Variants in TENM2 observed in about 807,000 individuals in gnomAD.
The protein encoded by TENM2 is teneurin-2.
TENM2 carries 52 observed loss-of-function variants against 245.2 expected under a neutral mutation model. The ratio of observed to expected loss-of-function variants is 0.21; its 90% confidence interval spans 0.17 to 0.27. The LOEUF (loss-of-function observed/expected upper bound fraction) is 0.27, where lower values mean the gene tolerates loss of function less well. Among genes scored for constraint, TENM2 ranks in the 10% least tolerant of loss-of-function variants. TENM2 has a pLI of 1.00. For synonymous variants in TENM2, 1,363 were observed against 1,438.9 expected (o/e 0.95, Z 1.19); for missense variants, 3,046 against 3,666.8 (o/e 0.83, Z 4.37).
chr5:168,238,656 A>G (rs1323684430), intron 25 of TENM2, among the ~76,000 whole-genome samples: 4 of 152,232 alleles, frequency 2.6e-5, no homozygotes, highest in African/African-American at 9.6e-5. Flanking sequence ...TAGGCCCAGC[A>G]GGGCCGTTTT....
chr5:168,078,598 AT>A (rs1173856156), intron 7 of TENM2, among the ~76,000 whole-genome samples: 4 of 152,050 alleles, frequency 2.6e-5, no homozygotes, highest in South Asian at 2.1e-4. Context: ...TTTTGAATTA[AT>A]TTTTTTATAA....
chr5:166,982,079 T>G, the TENM2 span, among the ~76,000 whole-genome samples: 1 of 152,186 alleles, frequency 6.6e-6, no homozygotes, highest in Non-Finnish European at 1.5e-5. Flanking sequence ...ACTATCATCT[T>G]GATAGCCTTG....
chr5:168,091,399 G>A (rs564898751), intron 8 of TENM2, among the ~76,000 whole-genome samples: 2 of 152,240 alleles, frequency 1.3e-5, no homozygotes, highest in African/African-American at 2.4e-5. Context: ...AGAGAAAAGC[G>A]AAGTTTCAAC....
At chr5:167,663,138 TGG>T (rs1258190824) in intron 2 of TENM2, among the ~76,000 whole-genome samples, 2 of 91,370 alleles carry the variant, frequency 2.2e-5, no homozygotes, top group East Asian at 5.6e-4. Context: ...AGAATGGGGA[TGG>T]GGAGAGAGAG....
chr5:168,195,912 A>G (rs1272747943), intron 15 of TENM2, among the ~76,000 whole-genome samples: 2 of 152,140 alleles, frequency 1.3e-5, no homozygotes, highest in Non-Finnish European at 1.5e-5. Flanking sequence ...GCCTCCATCA[A>G]GATGAAAGCT....
intron 2 of TENM2, among the ~76,000 whole-genome samples, chr5:167,668,387 T>A (rs1582699983): frequency 6.6e-6 from 1 of 152,342 alleles, no homozygotes; most frequent in African/African-American, 2.4e-5. Flanking sequence ...TGAGGTTTCA[T>A]GAACTAATGA....
In TENM2 at chr5:167,929,027, A is replaced by G. The variant is rs979134905; in HGVS notation, c.713-23561A>G. Among the ~76,000 whole-genome samples, 11 of 146,422 alleles carry G rather than the reference A, an allele frequency of 7.5e-5. 1 individual carries two copies. Among genetic ancestry groups the G allele is most frequent in the Admixed American group, 6.9e-4 (10 of 14,492 alleles). On this transcript the variant is annotated intron_variant, in intron 3 of 28. Transcript: ENST00000518659. ...AAGAGAGAAAAAGAAAGAGAAAGGA[A>G]AGAAAGAAAGAAAAGAAAAAAGAAA...
chr5:167,227,931 T>C, the TENM2 span, among the ~76,000 whole-genome samples: 2 of 152,172 alleles, frequency 1.3e-5, no homozygotes, highest in Non-Finnish European at 2.9e-5. Context: ...TGTCACAAAA[T>C]CTTTGCTCAT....
At chr5:168,262,724 G>A (rs759115999) in exon 29 of TENM2, 6 of 1,611,004 alleles carry the variant, frequency 3.7e-6, no homozygotes, top group Middle Eastern at 1.7e-4. Context: ...GGGATATTAC[G>A]TGCTTCCCGT....
At chr5:167,674,171 C>A (rs1756151856) in intron 2 of TENM2, among the ~76,000 whole-genome samples, 1 of 152,114 alleles carries the variant, frequency 6.6e-6, no homozygotes, top group Admixed American at 6.6e-5. Flanking sequence ...ATAGCTGCCT[C>A]CAGTCACTCT....
At chr5:167,774,655 T>C (rs1353874741) in intron 2 of TENM2, among the ~76,000 whole-genome samples, 6 of 152,184 alleles carry the variant, frequency 3.9e-5, no homozygotes, top group African/African-American at 1.2e-4. Flanking sequence ...AATTTGAGAA[T>C]TCCAAGTTAA....
chr5:167,482,300 G>A (rs1375122001), intron 2 of TENM2, among the ~76,000 whole-genome samples: 1 of 152,100 alleles, frequency 6.6e-6, no homozygotes, highest in Non-Finnish European at 1.5e-5. Context: ...ACTTTGAGAA[G>A]TAGTTTCCCA....
At chr5:168,117,320 T>C (rs993073577) in intron 9 of TENM2, among the ~76,000 whole-genome samples, 1 of 152,168 alleles carries the variant, frequency 6.6e-6, no homozygotes, top group African/African-American at 2.4e-5. Flanking sequence ...TTATGCTTTA[T>C]TACACATGTT....
chr5:167,748,931 T>G (rs1219502814), intron 2 of TENM2, among the ~76,000 whole-genome samples: 1 of 152,012 alleles, frequency 6.6e-6, no homozygotes, highest in African/African-American at 2.4e-5. Context: ...CCAAATCATA[T>G]TGGTGGAGTT....
intron 2 of TENM2, among the ~76,000 whole-genome samples, chr5:167,459,936 G>GCACA (rs1221859918): frequency 3.0e-5 from 3 of 99,096 alleles, no homozygotes; most frequent in African/African-American, 1.0e-4. Flanking sequence ...ACACACACAC[G>GCACA]CACACACACA....
At chr5:167,404,813 A>G (rs2127392272) in intron 2 of TENM2, among the ~76,000 whole-genome samples, 1 of 152,262 alleles carries the variant, frequency 6.6e-6, no homozygotes, top group Middle Eastern at 3.4e-3. Context: ...CAATTCACTC[A>G]CTTAAAATAC....
chr5:167,736,635 T>C (rs1760819665), intron 2 of TENM2, among the ~76,000 whole-genome samples: 1 of 150,062 alleles, frequency 6.7e-6, no homozygotes, highest in Non-Finnish European at 1.5e-5. Context: ...CTAATAAATG[T>C]GTTGGATTAG....
intron 2 of TENM2, among the ~76,000 whole-genome samples, chr5:167,811,540 C>CT (rs992644514): frequency 6.6e-6 from 1 of 152,076 alleles, no homozygotes; most frequent in African/African-American, 2.4e-5. Flanking sequence ...ACTTAAACCT[C>CT]TTTTTTTAAT....
intron 28 of TENM2, 88 bp downstream of exon 30, chr5:168,260,501 C>A: frequency 6.7e-7 from 1 of 1,488,526 alleles, no homozygotes; most frequent in Non-Finnish European, 9.2e-7. Flanking sequence ...GGCATGTCAG[C>A]GCAGGAAAAC....
Sources: gnomAD v4.1 joint callset for allele counts (sites outside exome capture counted in the v4.1 genomes callset) on GRCh38, gnomAD v4.1.1 for gene constraint, MANE v1.5 for transcripts, NCBI Gene and HGNC (gene_info 2026-07-23, HGNC 2026-07-21) for gene names.